Variants in PCDH15 observed in about 807,000 individuals in gnomAD.
PCDH15 encodes protocadherin related 15.
A neutral mutation model predicts 178.5 loss-of-function variants in PCDH15; 129 were observed. The observed-to-expected ratio is 0.72, with a 90% CI of 0.63 to 0.84. The LOEUF is 0.84. Ranked by LOEUF, PCDH15 falls within the 40% of genes least tolerant of loss-of-function variation. The pLI, the probability that PCDH15 is intolerant of heterozygous loss-of-function variation, is 0.00. For missense variants in PCDH15, 2,230 were observed against 2,099.9 expected (o/e 1.06, Z -1.21); for synonymous variants, 800 against 732.0 (o/e 1.09, Z -1.50).
At chr10:54,907,233 G>C (rs1954740132) in intron 2 of PCDH15, among the ~76,000 whole-genome samples, 1 of 152,090 alleles carries the variant, frequency 6.6e-6, no homozygotes, top group South Asian at 2.1e-4. Context: ...ATAAATATAT[G>C]ACACACTAAA....
chr10:54,161,787 C>G (rs944271243), intron 13 of PCDH15, among the ~76,000 whole-genome samples: 4 of 152,060 alleles, frequency 2.6e-5, no homozygotes, highest in Non-Finnish European at 5.9e-5. Context: ...TCTTCCTTAC[C>G]CTACCCTAAT....
At chr10:55,268,641 A>C (rs916450940) in intron 1 of PCDH15, among the ~76,000 whole-genome samples, 12 of 152,164 alleles carry the variant, frequency 7.9e-5, no homozygotes, top group Admixed American at 7.9e-4. Context: ...AAACAAACAT[A>C]AAACAAATTT....
intron 8 of PCDH15, among the ~76,000 whole-genome samples, chr10:54,313,908 A>T (rs1409456684): frequency 1.3e-5 from 2 of 152,042 alleles, no homozygotes; most frequent in Non-Finnish European, 2.9e-5. Flanking sequence ...CTGCTTTTCA[A>T]GCAGCAGTCT....
intron 2 of PCDH15, among the ~76,000 whole-genome samples, chr10:55,098,939 T>A (rs375989270): frequency 1.0e-5 from 1 of 97,732 alleles, no homozygotes; most frequent in African/African-American, 4.9e-5. Flanking sequence ...AGAGAGCTCT[T>A]ATCCTTTCTC....
intron 7 of PCDH15, among the ~76,000 whole-genome samples, chr10:54,320,126 A>C (rs2061508253): frequency 6.6e-6 from 1 of 152,142 alleles, no homozygotes. Flanking sequence ...TTTGAGATTC[A>C]ACAAACAGAA....
intron 1 of PCDH15, among the ~76,000 whole-genome samples, chr10:54,794,931 A>T (rs1951809113): frequency 6.6e-6 from 1 of 151,862 alleles, no homozygotes; most frequent in African/African-American, 2.4e-5. Flanking sequence ...TTAAGTTCAA[A>T]TTTTTAACAT....
chr10:55,089,120 T>C (rs1842252028), intron 2 of PCDH15, among the ~76,000 whole-genome samples: 1 of 152,176 alleles, frequency 6.6e-6, no homozygotes, highest in Non-Finnish European at 1.5e-5. Flanking sequence ...TTCTATTTCC[T>C]TCAAGTATTT....
At chr10:55,288,421 G>A (rs1842927908) in intron 1 of PCDH15, among the ~76,000 whole-genome samples, 1 of 151,776 alleles carries the variant, frequency 6.6e-6, no homozygotes, top group Non-Finnish European at 1.5e-5. Flanking sequence ...AAGAAAATGT[G>A]TAAGTACACA....
At chr10:53,979,009 C>T (rs904799335) in intron 21 of PCDH15, among the ~76,000 whole-genome samples, 10 of 152,088 alleles carry the variant, frequency 6.6e-5, no homozygotes, top group African/African-American at 2.2e-4. Flanking sequence ...TCTTCTGAGC[C>T]CTCCAAACTG....
chr10:54,082,260 C>A (rs2094446472), intron 16 of PCDH15, among the ~76,000 whole-genome samples: 1 of 152,146 alleles, frequency 6.6e-6, no homozygotes, highest in South Asian at 2.1e-4. Context: ...AAGCAGTGGG[C>A]ATTCCTCAGA....
chr10:54,796,250 CTATCTATCTATCTATCTATCTATG>C lies in PCDH15; in HGVS notation c.-29+4651_-29+4674del, dbSNP rs1220591271. On this transcript the variant is annotated intron_variant, in intron 1 of 37. Transcript: ENST00000644397. The stretch of plus-strand genomic sequence containing the variant: ...TCTATCTATCTATCTATCTATCTAT[CTATCTATCTATCTATCTATCTATG>C]TATCTATGTATCTATCTATCTATCT... 9.0e-4 allele frequency among the ~76,000 whole-genome samples: 95 copies of C among 105,728 alleles called. 1 individual carries two copies. The highest frequency in any genetic ancestry group is 3.8e-3 in the African/African-American group (92 of 24,222). 69.4% of individuals were successfully genotyped at this position (105,728 alleles called of 152,430 possible). A position where few individuals can be genotyped will look rare whatever the true frequency, so the allele number is the denominator to read the frequency against.
At chr10:54,144,257 A>T (rs547030777) in intron 14 of PCDH15, among the ~76,000 whole-genome samples, 28 of 152,238 alleles carry the variant, frequency 1.8e-4, no homozygotes, top group Non-Finnish European at 3.7e-4. Context: ...TTGAAAATTG[A>T]TAAATAGAAA....
intron 23 of PCDH15, among the ~76,000 whole-genome samples, chr10:53,945,334 A>G (rs1296326047): frequency 6.6e-6 from 1 of 152,154 alleles, no homozygotes; most frequent in African/African-American, 2.4e-5. Context: ...CTTATGGTGT[A>G]CAACATGATG....
chr10:55,015,575 G>A (rs777102262), intron 2 of PCDH15, among the ~76,000 whole-genome samples: 3 of 152,110 alleles, frequency 2.0e-5, no homozygotes, highest in Admixed American at 6.6e-5. Context: ...ATGGTCAACC[G>A]TTACTGACAA....
chr10:55,163,290 C>T (rs1250818932), intron 2 of PCDH15, among the ~76,000 whole-genome samples: 1 of 152,086 alleles, frequency 6.6e-6, no homozygotes, highest in African/African-American at 2.4e-5. Context: ...AAGATGAACC[C>T]ATTGGGTGGT....
At chr10:54,028,609 T>C (rs1299238909) in intron 18 of PCDH15, among the ~76,000 whole-genome samples, 3 of 148,200 alleles carry the variant, frequency 2.0e-5, no homozygotes, top group Non-Finnish European at 4.5e-5. Context: ...TATGCAGCCA[T>C]AAAAAATGAT....
chr10:54,548,609 A>G (rs1410502695), intron 2 of PCDH15, among the ~76,000 whole-genome samples: 1 of 125,590 alleles, frequency 8.0e-6, no homozygotes, highest in Admixed American at 9.7e-5. Context: ...TTATATATTT[A>G]ATATATAGTA....
intron 2 of PCDH15, among the ~76,000 whole-genome samples, chr10:55,577,170 G>T (rs1035157373): frequency 6.6e-6 from 1 of 152,074 alleles, no homozygotes. Flanking sequence ...TGAACCCAGG[G>T]GTGCAGAGGT....
intron 26 of PCDH15, among the ~76,000 whole-genome samples, chr10:53,895,991 G>A (rs2133557890): frequency 6.6e-6 from 1 of 152,244 alleles, no homozygotes; most frequent in East Asian, 1.9e-4. Context: ...GTAATACTAG[G>A]AAAGTTATCC....
Sources: gnomAD v4.1 joint callset for allele counts (sites outside exome capture counted in the v4.1 genomes callset) on GRCh38, gnomAD v4.1.1 for gene constraint, MANE v1.5 for transcripts, NCBI Gene and HGNC (gene_info 2026-07-23, HGNC 2026-07-21) for gene names.